CSMD1: variants seen among roughly 807,000 people sequenced by gnomAD.
CSMD1 encodes CUB and sushi domain-containing protein 1.
Under a neutral mutation model 417.5 loss-of-function variants are expected in CSMD1, and 213 were observed. That is an observed-to-expected ratio of 0.51 (90% CI 0.46 to 0.57). CSMD1 has a LOEUF of 0.57. Among genes scored for constraint, CSMD1 ranks in the 20% least tolerant of loss-of-function variants. The pLI is 0.00. For missense variants in CSMD1, 6,923 were observed against 4,529.7 expected, an observed-to-expected ratio of 1.53 and a Z score of -15.17; for synonymous variants, 2,862 against 1,736.8, an observed-to-expected ratio of 1.65 and a Z score of -16.11.
chr8:3,918,838 G>A (rs1809016622), intron 5 of CSMD1, among the ~76,000 whole-genome samples: 1 of 152,052 alleles, frequency 6.6e-6, no homozygotes, highest in Non-Finnish European at 1.5e-5. Context: ...AGGATGCAAA[G>A]ATAATTAGAA....
chr8:4,558,957 G>C (rs1203406687), intron 2 of CSMD1, among the ~76,000 whole-genome samples: 1 of 151,924 alleles, frequency 6.6e-6, no homozygotes, highest in Non-Finnish European at 1.5e-5. Context: ...TCCTGTATTT[G>C]ATACTTTCCC....
intron 7 of CSMD1, among the ~76,000 whole-genome samples, chr8:3,617,642 A>G (rs1359001597): frequency 1.3e-5 from 2 of 152,156 alleles, no homozygotes; most frequent in African/African-American, 2.4e-5. Flanking sequence ...ATGTAGAACT[A>G]TTGCTGCCAT....
intron 18 of CSMD1, among the ~76,000 whole-genome samples, chr8:3,385,578 G>A (rs573515505): frequency 6.6e-6 from 1 of 152,020 alleles, no homozygotes; most frequent in Non-Finnish European, 1.5e-5. Flanking sequence ...AGTATATCCT[G>A]TTCTTGACTT....
At chr8:3,651,959 G>T (rs1004563646) in intron 7 of CSMD1, among the ~76,000 whole-genome samples, 1 of 147,924 alleles carries the variant, frequency 6.8e-6, no homozygotes, top group Non-Finnish European at 1.5e-5. Context: ...CCATCAGAGC[G>T]CCATCACCAC....
chr8:4,377,474 C>G (rs1043819008), intron 3 of CSMD1, among the ~76,000 whole-genome samples: 4 of 152,070 alleles, frequency 2.6e-5, no homozygotes, highest in African/African-American at 9.7e-5. Context: ...ACTAACAAGT[C>G]AATTTGACTA....
At position 4,398,385 on chromosome 8, in the gene CSMD1, C is replaced by CTTTTTTTTTTTTTTTTTTTTT. The variant is rs1317009143; in HGVS notation, c.415+21567_415+21568insAAAAAAAAAAAAAAAAAAAAA. On this transcript the variant is annotated intron_variant, in intron 3 of 69. Transcript: ENST00000635120. ...CTCTTTTTAAATTGTCTTGCTGCAA[C>CTTTTTTTTTTTTTTTTTTTTT]TTCTTTTTTTTTTTTTTTTTTTTGT... Among the ~76,000 whole-genome samples, 4 of 118,134 alleles carry CTTTTTTTTTTTTTTTTTTTTT rather than the reference C, an allele frequency of 3.4e-5. 2 individuals carry two copies. Among genetic ancestry groups the CTTTTTTTTTTTTTTTTTTTTT allele is most frequent in the African/African-American group, 6.4e-5 (2 of 31,074 alleles). 77.5% of individuals were successfully genotyped at this position (118,134 alleles called of 152,430 possible).
intron 7 of CSMD1, among the ~76,000 whole-genome samples, chr8:3,702,617 G>A (rs563051135): frequency 3.3e-5 from 5 of 152,316 alleles, no homozygotes; most frequent in African/African-American, 1.2e-4. Context: ...GATCGCCTGA[G>A]GTCAGGAATT....
At chr8:4,564,335 G>C (rs567776759) in intron 2 of CSMD1, among the ~76,000 whole-genome samples, 128 of 152,196 alleles carry the variant, frequency 8.4e-4, no homozygotes, top group Non-Finnish European at 1.4e-3. Flanking sequence ...TATTTTGTCT[G>C]TCTAGGCTGC....
intron 7 of CSMD1, among the ~76,000 whole-genome samples, chr8:3,617,819 G>A (rs796402790): frequency 5.9e-5 from 9 of 152,054 alleles, no homozygotes; most frequent in East Asian, 3.9e-4. Flanking sequence ...TTACTATAGC[G>A]TAAATCCAAT....
At chr8:4,417,410 A>C (rs888653326) in intron 3 of CSMD1, among the ~76,000 whole-genome samples, 1 of 152,050 alleles carries the variant, frequency 6.6e-6, no homozygotes, top group Non-Finnish European at 1.5e-5. Context: ...TCATGTTTAC[A>C]TAGATCTTAG....
At chr8:4,132,545 G>T (rs983583674) in intron 3 of CSMD1, among the ~76,000 whole-genome samples, 1 of 152,008 alleles carries the variant, frequency 6.6e-6, no homozygotes, top group Non-Finnish European at 1.5e-5. Context: ...AAATGCAAAG[G>T]GGGCAATAAA....
intron 3 of CSMD1, among the ~76,000 whole-genome samples, chr8:4,129,055 A>G (rs1318369342): frequency 7.3e-6 from 1 of 136,066 alleles, no homozygotes; most frequent in African/African-American, 2.7e-5. Context: ...CAGCGTGGTT[A>G]CAGAGTGAGA....
intron 3 of CSMD1, among the ~76,000 whole-genome samples, chr8:4,117,418 G>A (rs1474691179): frequency 6.6e-6 from 1 of 151,966 alleles, no homozygotes; most frequent in Admixed American, 6.6e-5. Context: ...CTGCCGCAAG[G>A]TAAATACAAG....
chr8:3,242,536 C>G (rs1050739337), intron 26 of CSMD1, among the ~76,000 whole-genome samples: 2 of 152,012 alleles, frequency 1.3e-5, no homozygotes, highest in African/African-American at 4.8e-5. Context: ...ATTGAAAGTG[C>G]CATTTTCTGA....
intron 3 of CSMD1, among the ~76,000 whole-genome samples, chr8:4,182,632 T>C (rs1798442521): frequency 6.6e-6 from 1 of 152,190 alleles, no homozygotes. Flanking sequence ...TTATCATATA[T>C]ACTCATTTTC....
intron 3 of CSMD1, among the ~76,000 whole-genome samples, chr8:4,045,203 C>T (rs1453466453): frequency 1.3e-5 from 2 of 152,094 alleles, no homozygotes; most frequent in Non-Finnish European, 2.9e-5. Flanking sequence ...CTCTGAGGAA[C>T]CCACAATGTG....
intron 5 of CSMD1, among the ~76,000 whole-genome samples, chr8:3,853,420 T>G (rs1296884701): frequency 6.6e-6 from 1 of 152,190 alleles, no homozygotes; most frequent in Non-Finnish European, 1.5e-5. Context: ...ACTTTAAAAA[T>G]GTATTTTCTT....
Position 4,258,846 on chromosome 8 carries a change from G to C in CSMD1, c.415+161107C>G, listed in dbSNP as rs1324662217. 2.0e-5 allele frequency among the ~76,000 whole-genome samples: 3 copies of C among 152,076 alleles called. No homozygotes were observed. In the East Asian group the frequency reaches 5.8e-4, roughly 29 times the overall value. ...AAAGATCAGGAGCCCCACTCCTCAT[G>C]GACAACGGCTGCAAAAGTCTCATCT... On this transcript the variant is annotated intron_variant, in intron 3 of 69. Transcript: ENST00000635120.
intron 1 of CSMD1, among the ~76,000 whole-genome samples, chr8:4,976,456 T>A (rs1429926331): frequency 6.6e-6 from 1 of 152,288 alleles, no homozygotes; most frequent in Non-Finnish European, 1.5e-5. Flanking sequence ...TGACAAAAAA[T>A]ACAAAAACTG....
Sources: gnomAD v4.1 joint callset for allele counts (sites outside exome capture counted in the v4.1 genomes callset) on GRCh38, gnomAD v4.1.1 for gene constraint, MANE v1.5 for transcripts, NCBI Gene and HGNC (gene_info 2026-07-23, HGNC 2026-07-21) for gene names.